LARP1B: variants seen among roughly 807,000 people sequenced by gnomAD.
LARP1B encodes La ribonucleoprotein 1B, also known as la-related protein 1B.
LARP1B carries 76 observed loss-of-function variants against 114.2 expected under a neutral mutation model. The observed-to-expected ratio is 0.67, with a 90% CI of 0.55 to 0.81. LARP1B has a LOEUF of 0.81. Among genes scored for constraint, LARP1B ranks in the 30% least tolerant of loss-of-function variants. LARP1B has a pLI of 0.00. For missense variants in LARP1B, 1,014 were observed against 1,075.8 expected (o/e 0.94, Z 0.80); for synonymous variants, 345 against 348.0 (o/e 0.99, Z 0.10).
At position 128,107,312 on chromosome 4, in the gene LARP1B, A is replaced by G; in HGVS notation, c.987A>G (p.Thr329=). 2.5e-6 allele frequency: 4 copies of G among 1,614,018 alleles called. No homozygotes were observed. The highest frequency in any genetic ancestry group is 4.5e-5 in the East Asian group (2 of 44,878). The part of the protein sequence containing the change: ...FVPGQAFCSH[T]ESAPNSPRIG... ...CAGGCCAAGCCTTTTGCTCACATAC[A>G]GGTAACATCTTTTCTTCTAGAGCAA... The change falls in exon 9 of 20, where the codon ACA becomes ACG. Residue 329 remains threonine, a splice_region_variant and synonymous_variant. Transcript: ENST00000326639.
chr4:128,094,455 C>T (rs1430251628), intron 7 of LARP1B, among the ~76,000 whole-genome samples: 4 of 141,212 alleles, frequency 2.8e-5, no homozygotes, highest in Admixed American at 2.3e-4. Context: ...GGATGGAGTA[C>T]AGTGGCGCAA....
chr4:128,199,340 T>C, intron 15 of LARP1B, 99 bp from the exon 16 acceptor site: 1 of 892,370 alleles, frequency 1.1e-6, no homozygotes, highest in Non-Finnish European at 1.6e-6. Context: ...TCTTTTCCAC[T>C]GCTTAGACCC....
At chr4:128,168,842 G>A (rs1163872700) in intron 12 of LARP1B, among the ~76,000 whole-genome samples, 2 of 151,880 alleles carry the variant, frequency 1.3e-5, no homozygotes, top group Non-Finnish European at 2.9e-5. Context: ...CATAAAATGA[G>A]TTGGTAAGTG....
chr4:128,178,731 A>G (rs907641447), intron 14 of LARP1B, 89 bp downstream of exon 14: 3 of 905,554 alleles, frequency 3.3e-6, no homozygotes, highest in African/African-American at 3.4e-5. Flanking sequence ...CACATTGAAA[A>G]ATGTGTGTTA....
At chr4:128,108,596 T>C in intron 9 of LARP1B, 1 of 985,500 alleles carries the variant, frequency 1.0e-6, no homozygotes, top group South Asian at 4.7e-5. Flanking sequence ...CTAATCCCAG[T>C]AAGCAACTTG....
At chr4:128,096,556 G>A (rs898419458) in intron 7 of LARP1B, among the ~76,000 whole-genome samples, 1 of 151,750 alleles carries the variant, frequency 6.6e-6, no homozygotes, top group African/African-American at 2.4e-5. Context: ...TGGTGTCAAG[G>A]ATATTCCTTC....
chr4:128,115,314 A>G (rs1785423908), intron 10 of LARP1B, among the ~76,000 whole-genome samples: 1 of 152,202 alleles, frequency 6.6e-6, no homozygotes, highest in African/African-American at 2.4e-5. Flanking sequence ...TGTAATCACA[A>G]CACTTCGGGA....
intron 10 of LARP1B, among the ~76,000 whole-genome samples, chr4:128,117,496 C>A (rs1344376765): frequency 1.3e-5 from 2 of 152,194 alleles, no homozygotes; most frequent in Non-Finnish European, 2.9e-5. Context: ...AGCGATTCTC[C>A]TGCCTCAGCC....
chr4:128,077,722 C>T, intron 3 of LARP1B, 66 bp from the exon 4 acceptor site: 1 of 1,436,666 alleles, frequency 7.0e-7, no homozygotes, highest in Non-Finnish European at 9.2e-7. Context: ...TATATTGCCA[C>T]AAATTTTTGG....
chr4:128,083,739 AG>A (rs1358945579), intron 5 of LARP1B, among the ~76,000 whole-genome samples: 2 of 132,742 alleles, frequency 1.5e-5, no homozygotes, highest in African/African-American at 5.8e-5. Context: ...ACTTCCCAGT[AG>A]GGGCGGCTGG....
chr4:128,150,276 T>C (rs976264747), intron 11 of LARP1B, among the ~76,000 whole-genome samples: 10 of 150,100 alleles, frequency 6.7e-5, no homozygotes, highest in African/African-American at 1.7e-4. Context: ...ATCTCAACTA[T>C]AGCTTTAATT....
chr4:128,061,321 C>CT lies in LARP1B; in HGVS notation c.-155dup, dbSNP rs1404386880. 4 of 152,418 alleles carry CT rather than the reference C, an allele frequency of 2.6e-5. No homozygotes were observed. The highest frequency in any genetic ancestry group is 5.9e-5 in the Non-Finnish European group (4 of 68,258). The allele number at this position is 152,418 out of a possible 1,614,324, so 9.4% of individuals were successfully genotyped here. A position where few individuals can be genotyped will look rare whatever the true frequency, so the allele number is the denominator to read the frequency against. ...CCACGCCTCCGCGGGCAGTTACCAG[C>CT]TTTGGCTGCTCGCGCCTCCCCAACT... On this transcript the variant is annotated 5_prime_UTR_variant, in exon 1 of 20. Transcript: ENST00000326639.
At chr4:128,220,185 A>C (rs1267560343) in intron 6 of LARP1B, among the ~76,000 whole-genome samples, 1 of 152,132 alleles carries the variant, frequency 6.6e-6, no homozygotes, top group Non-Finnish European at 1.5e-5. Context: ...GCTCCTGGCT[A>C]GATTTTATTT....
chr4:128,176,134 GTA>G (rs1745800462), intron 12 of LARP1B, among the ~76,000 whole-genome samples: 1 of 135,914 alleles, frequency 7.4e-6, no homozygotes, highest in Non-Finnish European at 1.6e-5. Flanking sequence ...ATATATGTGT[GTA>G]TATATATTTA....
chr4:128,125,669 C>G (rs750251306), intron 11 of LARP1B, among the ~76,000 whole-genome samples: 1 of 152,204 alleles, frequency 6.6e-6, no homozygotes, highest in Admixed American at 6.5e-5. Flanking sequence ...TCACTTGAAC[C>G]CGGGAGGTGG....
chr4:128,122,283 A>G, intron 11 of LARP1B, 95 bp downstream of exon 11: 2 of 1,534,412 alleles, frequency 1.3e-6, no homozygotes, highest in Non-Finnish European at 1.7e-6. Flanking sequence ...TATTTTATGA[A>G]ATGTTGAATA....
At chr4:128,208,393 G>A (rs1354648497) in intron 19 of LARP1B, among the ~76,000 whole-genome samples, 1 of 151,954 alleles carries the variant, frequency 6.6e-6, no homozygotes, top group Non-Finnish European at 1.5e-5. Context: ...GTAAAAGGAA[G>A]GCTAGGTTCA....
At chr4:128,090,458 A>G (rs968620419) in intron 5 of LARP1B, among the ~76,000 whole-genome samples, 6 of 151,750 alleles carry the variant, frequency 4.0e-5, no homozygotes, top group African/African-American at 1.5e-4. Flanking sequence ...TATTTTAGAT[A>G]TTTTTCCCAT....
intron 11 of LARP1B, chr4:128,156,081 C>A: frequency 1.9e-6 from 3 of 1,599,976 alleles, no homozygotes; most frequent in Non-Finnish European, 2.6e-6. Flanking sequence ...CTTTCACCCC[C>A]AGCCTGGTCT....
Sources: allele counts gnomAD v4.1 joint callset (sites outside exome capture counted in the v4.1 genomes callset), GRCh38; gene constraint gnomAD v4.1.1; transcripts MANE v1.5; gene names NCBI Gene and HGNC (gene_info 2026-07-23, HGNC 2026-07-21).